The following PRTFDC1 variants were observed in gnomAD, a reference collection of about 807,000 sequenced individuals.
PRTFDC1 encodes phosphoribosyl transferase domain containing 1, also known as phosphoribosyltransferase domain-containing protein 1.
PRTFDC1 carries 38 observed loss-of-function variants against 34.6 expected under a neutral mutation model. The observed-to-expected ratio is 1.10, with a 90% CI of 0.85 to 1.44. The LOEUF is 1.44. PRTFDC1 is among the 40% of genes most tolerant of loss of function. The pLI is 0.00. For missense variants in PRTFDC1, 270 were observed against 283.0 expected, an observed-to-expected ratio of 0.95 and a Z score of 0.33; for synonymous variants, 93 against 98.1, an observed-to-expected ratio of 0.95 and a Z score of 0.31.
intron 3 of PRTFDC1, among the ~76,000 whole-genome samples, chr10:24,896,048 G>A (rs1295761099): frequency 6.6e-6 from 1 of 152,084 alleles, no homozygotes; most frequent in African/African-American, 2.4e-5. Flanking sequence ...GTACAGAGAA[G>A]GGCTTTTGGT....
chr10:24,883,478 A>C (rs1228233766), intron 3 of PRTFDC1, among the ~76,000 whole-genome samples: 1 of 152,126 alleles, frequency 6.6e-6, no homozygotes, highest in Non-Finnish European at 1.5e-5. Context: ...CACCACGAAA[A>C]AGGAAAAAGG....
At chr10:24,858,285 TG>T in intron 5 of PRTFDC1, 106 bp downstream of exon 5, 1 of 1,222,752 alleles carries the variant, frequency 8.2e-7, no homozygotes, top group Non-Finnish European at 1.2e-6. Flanking sequence ...ATGCACCCAG[TG>T]GGAGCTCAAG....
intron 3 of PRTFDC1, among the ~76,000 whole-genome samples, chr10:24,896,174 G>T (rs1276536730): frequency 6.6e-6 from 1 of 152,210 alleles, no homozygotes; most frequent in African/African-American, 2.4e-5. Context: ...CACACAGCAG[G>T]AGGTGAGTGG....
At chr10:24,891,282 A>G (rs940264187) in intron 3 of PRTFDC1, among the ~76,000 whole-genome samples, 3 of 152,186 alleles carry the variant, frequency 2.0e-5, no homozygotes, top group African/African-American at 7.2e-5. Context: ...ATATCCTTAC[A>G]TATACAGGAT....
rs375049584 is a variant in PRTFDC1, at chr10:24,929,071, AG to A, written c.339+8112del. ...AAAAAAAAAAGAAAGAAAGAAAGAA[AG>A]AAAGGGAGGCTTTCAATTCCAGGCA... On this transcript the variant is annotated intron_variant, in intron 3 of 8. Coordinates refer to ENST00000320152, the MANE Select transcript of PRTFDC1 (RefSeq NM_020200.7). Among the ~76,000 whole-genome samples the A allele has an allele frequency of 1.4e-3, 211 of 147,206 alleles. 21 individuals are homozygous for A. Among genetic ancestry groups the A allele is most frequent in the African/African-American group, 2.9e-3 (113 of 38,708 alleles).
chr10:24,869,217 CTT>C (rs141753445), intron 4 of PRTFDC1, among the ~76,000 whole-genome samples: 1 of 145,358 alleles, frequency 6.9e-6, no homozygotes. Flanking sequence ...AGGCCTTTAT[CTT>C]TTTTTTTTTT....
intron 3 of PRTFDC1, among the ~76,000 whole-genome samples, chr10:24,933,201 G>T (rs947553938): frequency 6.6e-6 from 1 of 151,368 alleles, no homozygotes; most frequent in African/African-American, 2.4e-5. Context: ...GTGATCTTGG[G>T]TTAGGCAGAT....
At chr10:24,907,922 CT>C (rs1362201375) in intron 3 of PRTFDC1, among the ~76,000 whole-genome samples, 1 of 152,266 alleles carries the variant, frequency 6.6e-6, no homozygotes, top group East Asian at 1.9e-4. Flanking sequence ...GAATAAAAGA[CT>C]ATTTCATTCT....
chr10:24,900,381 A>G (rs1848430034), intron 3 of PRTFDC1, among the ~76,000 whole-genome samples: 1 of 152,250 alleles, frequency 6.6e-6, no homozygotes, highest in South Asian at 2.1e-4. Flanking sequence ...CTAACAAGCC[A>G]GGAACTCGGA....
chr10:24,871,963 C>G, intron 4 of PRTFDC1, 35 bp downstream of exon 4: 1 of 1,568,104 alleles, frequency 6.4e-7, no homozygotes, highest in South Asian at 1.1e-5. Context: ...GCCCCCAGAC[C>G]TCAATGCGGT....
chr10:24,924,332 A>G (rs1205753267), intron 3 of PRTFDC1, among the ~76,000 whole-genome samples: 3 of 152,168 alleles, frequency 2.0e-5, no homozygotes, highest in African/African-American at 7.2e-5. Context: ...GAGAAGAGCA[A>G]CCCCAAGACA....
chr10:24,910,780 A>C (rs1848614301), intron 3 of PRTFDC1, among the ~76,000 whole-genome samples: 1 of 152,234 alleles, frequency 6.6e-6, no homozygotes, highest in African/African-American at 2.4e-5. Flanking sequence ...GTGATTACTC[A>C]TGACTTTTCA....
intron 1 of PRTFDC1, among the ~76,000 whole-genome samples, chr10:24,950,746 A>C (rs1333491982): frequency 6.6e-6 from 1 of 151,680 alleles, no homozygotes; most frequent in Non-Finnish European, 1.5e-5. Flanking sequence ...TCTCCCCCAC[A>C]GGCAGCCTCT....
rs759825405 is a variant in PRTFDC1, at chr10:24,908,562, G to A, written c.339+28622C>T. The stretch of plus-strand genomic sequence containing the variant: ...ATGTGGAAACAGGGAATGAGCACTT[G>A]GAGGTAACCTCTCCAGAGGGTATTT... On this transcript the variant is annotated intron_variant, in intron 3 of 8. Transcript: ENST00000320152. 5.0e-6 allele frequency: 8 copies of A among 1,612,690 alleles called. No homozygotes were observed. In the African/African-American group the frequency reaches 8.0e-5, roughly 16 times the overall value.
At chr10:24,895,253 CTTTTTT>C (rs60331186) in intron 3 of PRTFDC1, among the ~76,000 whole-genome samples, 8 of 105,188 alleles carry the variant, frequency 7.6e-5, no homozygotes, top group South Asian at 6.2e-4. Flanking sequence ...TCTCCACTTT[CTTTTTT>C]TTTTTTTTTT....
intron 3 of PRTFDC1, among the ~76,000 whole-genome samples, chr10:24,920,335 T>C (rs913455543): frequency 1.3e-5 from 2 of 151,762 alleles, no homozygotes; most frequent in Admixed American, 1.3e-4. Flanking sequence ...ATATATACCA[T>C]GGAATACTAT....
intron 2 of PRTFDC1, among the ~76,000 whole-genome samples, chr10:24,937,703 G>A (rs941315257): frequency 8.6e-5 from 13 of 151,684 alleles, no homozygotes; most frequent in East Asian, 2.0e-4. Flanking sequence ...GAATACAGGC[G>A]CCTGCCACTA....
At chr10:24,903,838 C>A (rs1322921572) in intron 3 of PRTFDC1, among the ~76,000 whole-genome samples, 1 of 150,760 alleles carries the variant, frequency 6.6e-6, no homozygotes, top group African/African-American at 2.4e-5. Context: ...ACACACCCAG[C>A]TAATTTATTA....
intron 7 of PRTFDC1, among the ~76,000 whole-genome samples, chr10:24,853,343 G>C (rs1055262570): frequency 8.6e-5 from 13 of 152,012 alleles, no homozygotes; most frequent in Non-Finnish European, 1.9e-4. Flanking sequence ...AAGGTGCAGT[G>C]GCTCACGCCT....
Sources: gnomAD v4.1 joint callset for allele counts (sites outside exome capture counted in the v4.1 genomes callset) on GRCh38, gnomAD v4.1.1 for gene constraint, MANE v1.5 for transcripts, NCBI Gene and HGNC (gene_info 2026-07-23, HGNC 2026-07-21) for gene names.